The following NOTCH2 variants were observed in gnomAD, a reference collection of about 807,000 sequenced individuals.
The protein encoded by NOTCH2 is neurogenic locus notch homolog protein 2.
NOTCH2 carries 29 observed loss-of-function variants against 235.8 expected under a neutral mutation model. The ratio of observed to expected loss-of-function variants is 0.12; its 90% CI spans 0.09 to 0.17. The LOEUF is 0.17. Ranked by LOEUF, NOTCH2 falls within the 10% of genes least tolerant of loss-of-function variation. The pLI, the probability that NOTCH2 is intolerant of heterozygous loss-of-function variation, is 1.00. For missense variants in NOTCH2, 2,285 were observed against 3,150.2 expected (o/e 0.73, Z 6.57); for synonymous variants, 1,086 against 1,141.5 (o/e 0.95, Z 0.98).
rs369014328 is a variant in NOTCH2 at position 119,916,168 on chromosome 1, G to A, written c.6554C>T (p.Ala2185Val). 1.9e-6 allele frequency: 3 copies of A among 1,614,220 alleles called. No homozygotes were observed. The highest frequency in any genetic ancestry group is 2.5e-6 in the Non-Finnish European group (3 of 1,180,042). ...ILQASPNPMLATAAPPAPVHA... is the reference protein window; with the variant it reads ...ILQASPNPMLVTAAPPAPVHA... The stretch of plus-strand genomic sequence containing the variant: ...GACTGGGGCAGGAGGGGCGGCAGTG[G>A]CCAACATAGGGTTGGGTGAGGCCTG... Residue 2185 changes from alanine to valine, a missense_variant, in exon 34 of 34, where the codon GCC becomes GTC. Around this residue, in one of 6 missense-constraint regions of NOTCH2, gnomAD observed 504 missense variants for 538.0 expected, o/e 0.94. Transcript: ENST00000256646.
chr1:119,914,567 A>G lies in NOTCH2; in HGVS notation c.*739T>C, dbSNP rs759342952. 5 of 233,578 alleles carry G rather than the reference A, an allele frequency of 2.1e-5. No homozygotes were observed. Among genetic ancestry groups the G allele is most frequent in the Non-Finnish European group, 4.2e-5 (5 of 118,388 alleles). 14.5% of individuals were successfully genotyped at this position (233,578 alleles called of 1,614,324 possible). Reference sequence around the variant, plus strand: ...CTGCCCCCAAAATTTGTTGAAGAAAAGTATTCTTCTCCCCTTCTCTCTCCA... The same window carrying G: ...CTGCCCCCAAAATTTGTTGAAGAAAGGTATTCTTCTCCCCTTCTCTCTCCA... On this transcript the variant is annotated 3_prime_UTR_variant, in exon 34 of 34. Coordinates refer to ENST00000256646, the MANE Select transcript of NOTCH2 (RefSeq NM_024408.4).
chr1:119,930,707 A>C (rs1649622882), intron 22 of NOTCH2, among the ~76,000 whole-genome samples: 1 of 151,740 alleles, frequency 6.6e-6, no homozygotes, highest in African/African-American at 2.4e-5. Flanking sequence ...TGAAACCGGG[A>C]GATGAAGCTT....
chr1:119,912,588 A>C lies in NOTCH2; in HGVS notation c.*2718T>G, dbSNP rs1205484714. The C allele has an allele frequency of 1.3e-5, 3 of 232,888 alleles. No homozygotes were observed. The highest frequency in any genetic ancestry group is 2.5e-5 in the Non-Finnish European group (3 of 117,928). 14.4% of individuals were successfully genotyped at this position (232,888 alleles called of 1,614,324 possible). A position where few individuals can be genotyped will look rare whatever the true frequency, so the allele number is the denominator to read the frequency against. On this transcript the variant is annotated 3_prime_UTR_variant, in exon 34 of 34. Coordinates refer to ENST00000256646, the MANE Select transcript of NOTCH2 (RefSeq NM_024408.4). ...AAACAGAGGAAGCAAATAAACAAAC[A>C]AAAAAACCTATCCCCAAAGGCAGGC...
At chr1:119,944,591 T>TA (rs1650188720) in intron 17 of NOTCH2, among the ~76,000 whole-genome samples, 2 of 136,068 alleles carry the variant, frequency 1.5e-5, no homozygotes, top group Admixed American at 1.4e-4. Context: ...ATCAAGTTGG[T>TA]AAAAATCAGT....
At chr1:120,024,878 T>C (rs1405533861) in intron 2 of NOTCH2, among the ~76,000 whole-genome samples, 1 of 150,680 alleles carries the variant, frequency 6.6e-6, no homozygotes, top group Non-Finnish European at 1.5e-5. Context: ...TATATCAGAC[T>C]AGCCCTCTTG....
intron 2 of NOTCH2, among the ~76,000 whole-genome samples, chr1:120,014,453 A>G (rs1653344857): frequency 6.6e-6 from 1 of 151,460 alleles, no homozygotes; most frequent in Non-Finnish European, 1.5e-5. Flanking sequence ...CCACATTTCC[A>G]TTGTTACTGT....
At chr1:119,979,284 T>G (rs924030613) in intron 5 of NOTCH2, among the ~76,000 whole-genome samples, 1 of 152,108 alleles carries the variant, frequency 6.6e-6, no homozygotes, top group Non-Finnish European at 1.5e-5. Flanking sequence ...GAAGACCTAA[T>G]TGCAAAGATA....
chr1:120,014,618 C>A (rs1413344397), intron 2 of NOTCH2, among the ~76,000 whole-genome samples: 4 of 128,462 alleles, frequency 3.1e-5, no homozygotes, highest in Non-Finnish European at 6.5e-5. Flanking sequence ...CAGACCCCAA[C>A]CCTCACATCT....
Position 120,069,383 on chromosome 1 carries a change from C to T in NOTCH2, c.24G>A (p.Leu8=), listed in dbSNP as rs1553217936. Residue 8 remains leucine (L), a synonymous_variant, in exon 1 of 34, where the codon CTG becomes CTA. Coordinates refer to ENST00000256646, the MANE Select transcript of NOTCH2 (RefSeq NM_024408.4). ...GCCAGAGCGCCAGCAGCGCCCACAG[C>T]AGAGCGGGGCGCAGGGCGGGCATCT... MPALRPA[L]LWALLALWLC... is the part of the protein sequence containing the mutation. 14 of 1,560,984 alleles carry T rather than the reference C, an allele frequency of 9.0e-6. No homozygotes were observed. In the Admixed American group the frequency reaches 2.3e-4, roughly 26 times the overall value.
chr1:120,024,927 A>G (rs1203932858), intron 2 of NOTCH2, among the ~76,000 whole-genome samples: 5 of 151,244 alleles, frequency 3.3e-5, no homozygotes, highest in African/African-American at 1.2e-4. Flanking sequence ...GAATCACTGA[A>G]AGCAGGCATA....
chr1:119,928,899 A>G, intron 23 of NOTCH2, 77 bp downstream of exon 23: 1 of 1,233,042 alleles, frequency 8.1e-7, no homozygotes, highest in South Asian at 1.2e-5. Context: ...TGGGTCTGGG[A>G]CAACTCACAG....
chr1:119,955,162 G>A lies in NOTCH2; in HGVS notation c.2097C>T (p.Asn699=), dbSNP rs191795188. Residue 699 remains asparagine (N), a synonymous_variant, in exon 13 of 34, where the codon AAC becomes AAT. Coordinates refer to ENST00000256646, the MANE Select transcript of NOTCH2 (RefSeq NM_024408.4). The part of the protein sequence containing the change: ...NPCRKGATCI[N]GVNGFRCICP... ...ATATACAGCGGAAACCATTCACACC[G>A]TTGATACATGTTGCACCCTTGCGAC... 1.2e-5 allele frequency: 19 copies of A among 1,614,066 alleles called. No individual in the cohort carries two copies. In the East Asian group the frequency reaches 2.2e-4, roughly 19 times the overall value.
chr1:120,010,406 T>C (rs1653140844), intron 2 of NOTCH2, among the ~76,000 whole-genome samples: 2 of 152,178 alleles, frequency 1.3e-5, no homozygotes, highest in Admixed American at 1.3e-4. Context: ...GCATGTAGCA[T>C]GGTGCCGGAT....
At chr1:120,030,254 A>G (rs1333125159) in intron 1 of NOTCH2, among the ~76,000 whole-genome samples, 1 of 151,912 alleles carries the variant, frequency 6.6e-6, no homozygotes, top group Non-Finnish European at 1.5e-5. Context: ...TCCATCTCCC[A>G]ATTAAAAATT....
chr1:120,028,955 T>C (rs1653982002), intron 2 of NOTCH2, among the ~76,000 whole-genome samples: 2 of 151,930 alleles, frequency 1.3e-5, no homozygotes, highest in African/African-American at 4.8e-5. Context: ...TGAAATTATC[T>C]CACAGCCTTC....
intron 3 of NOTCH2, chr1:120,005,096 T>C (rs1361965130): frequency 1.7e-5 from 12 of 705,128 alleles, no homozygotes; most frequent in African/African-American, 3.6e-5. Flanking sequence ...CCCTGACATA[T>C]ATACTTTAAG....
At chr1:119,960,934 G>A (rs1447433576) in intron 11 of NOTCH2, among the ~76,000 whole-genome samples, 2 of 152,096 alleles carry the variant, frequency 1.3e-5, no homozygotes, top group Non-Finnish European at 2.9e-5. Context: ...CCAAAATGTT[G>A]AGATTACAGG....
chr1:119,943,337 TG>T (rs1650132504), intron 17 of NOTCH2, among the ~76,000 whole-genome samples: 1 of 152,146 alleles, frequency 6.6e-6, no homozygotes, highest in African/African-American at 2.4e-5. Context: ...CTATTAAGGC[TG>T]GGGGAAGAAC....
At chr1:119,965,406 T>G (rs1553199529) in intron 10 of NOTCH2, 47 bp downstream of exon 10, 1 of 1,397,544 alleles carries the variant, frequency 7.2e-7, no homozygotes, top group South Asian at 1.2e-5. Context: ...CACCCTATTT[T>G]GTTCAGATGG....
Sources: gnomAD v4.1 joint callset for allele counts (sites outside exome capture counted in the v4.1 genomes callset) on GRCh38, gnomAD v4.1.1 for gene constraint, gnomAD v4.1.1 regional missense constraint, MANE v1.5 for transcripts, NCBI Gene and HGNC (gene_info 2026-07-23, HGNC 2026-07-21) for gene names.